The following SORBS2 variants were observed in gnomAD, a reference collection of about 807,000 sequenced individuals.
SORBS2 encodes the protein sorbin and SH3 domain containing 2, also known as sorbin and SH3 domain-containing protein 2.
In SORBS2, 46 loss-of-function variants were observed where a neutral mutation model predicts 97.7. The ratio of observed to expected loss-of-function variants is 0.47; its 90% CI spans 0.37 to 0.60. The LOEUF (loss-of-function observed/expected upper bound fraction) is 0.60, where lower values mean the gene tolerates loss of function less well. Among genes scored for constraint, SORBS2 ranks in the 20% least tolerant of loss-of-function variants. The probability of loss-of-function intolerance (pLI) is 0.00; values close to 1 mark genes in which losing one functional copy is unlikely to be tolerated. For synonymous variants in SORBS2, 476 were observed against 473.4 expected (o/e 1.01, Z -0.07); for missense variants, 1,316 against 1,282.3 (o/e 1.03, Z -0.40).
intron 2 of SORBS2, among the ~76,000 whole-genome samples, chr4:185,737,761 G>A (rs1330695335): frequency 6.6e-6 from 1 of 152,198 alleles, no homozygotes; most frequent in East Asian, 1.9e-4. Context: ...GTCAGGGTCT[G>A]TCCACCGTCT....
intron 4 of SORBS2, among the ~76,000 whole-genome samples, chr4:185,631,707 A>C (rs2153434090): frequency 6.6e-6 from 1 of 152,334 alleles, no homozygotes; most frequent in East Asian, 1.9e-4. Context: ...GGTTGCAGCG[A>C]GTCGAGATGG....
rs190630671 is a variant in SORBS2 at position 185,697,667 on chromosome 4, A to G, written c.-197-18845T>C. On this transcript the variant is annotated intron_variant, in intron 2 of 20. Transcript: ENST00000284776. Reference sequence around the variant, plus strand: ...TAGCCGAAAGCGATGGCTGAATGGAAAGAGATGTCTATAAAATGTCACATA... The same window carrying G: ...TAGCCGAAAGCGATGGCTGAATGGAGAGAGATGTCTATAAAATGTCACATA... Among the ~76,000 whole-genome samples, 521 of 152,328 alleles carry G rather than the reference A, an allele frequency of 3.4e-3. 7 individuals are homozygous for G. Among genetic ancestry groups the G allele is most frequent in the East Asian group, 7.5e-3 (39 of 5,184 alleles).
rs1454355155 is a variant in SORBS2 at position 185,809,666 on chromosome 4, G to A, written c.-337-34300C>T. 2.6e-5 allele frequency among the ~76,000 whole-genome samples: 4 copies of A among 152,054 alleles called. No individual in the cohort carries two copies. In the East Asian group the frequency reaches 5.8e-4, roughly 22 times the overall value. On this transcript the variant is annotated intron_variant, in intron 1 of 20. Transcript: ENST00000284776. ...GAATTATTAACTATGGAGATGCGCT[G>A]TACAGAATTGAACTTAAAATGGTCA... is the stretch of plus-strand genomic sequence containing the variant.
At chr4:185,652,640 G>T in intron 2 of SORBS2, 22 bp downstream of exon 10, 1 of 1,604,562 alleles carries the variant, frequency 6.2e-7, no homozygotes, top group Non-Finnish European at 8.5e-7. Context: ...GACCTCATCA[G>T]AAAGCAGAGC....
intron 1 of SORBS2, among the ~76,000 whole-genome samples, chr4:185,841,217 AGAG>A (rs1272947787): frequency 6.6e-6 from 1 of 152,232 alleles, no homozygotes; most frequent in Admixed American, 6.5e-5. Context: ...TAACACAGTC[AGAG>A]GAGTACTTCT....
intron 6 of SORBS2, 121 bp from the exon 19 acceptor site, chr4:185,624,615 G>GC: frequency 1.9e-6 from 2 of 1,073,546 alleles, no homozygotes; most frequent in Non-Finnish European, 2.6e-6. Context: ...CAGTTAGTGT[G>GC]TTTTAATCTA....
intron 2 of SORBS2, among the ~76,000 whole-genome samples, chr4:185,650,328 C>A (rs1241567887): frequency 6.6e-6 from 1 of 152,076 alleles, no homozygotes; most frequent in South Asian, 2.1e-4. Flanking sequence ...TTATGGAACC[C>A]ACGAGTCCAG....
chr4:185,802,848 C>A (rs145231392), intron 1 of SORBS2, among the ~76,000 whole-genome samples: 1 of 152,138 alleles, frequency 6.6e-6, no homozygotes, highest in Non-Finnish European at 1.5e-5. Flanking sequence ...GACCTTTAAA[C>A]GGGTGATATT....
At chr4:185,625,389 T>C (rs2096793523) in intron 6 of SORBS2, among the ~76,000 whole-genome samples, 1 of 151,664 alleles carries the variant, frequency 6.6e-6, no homozygotes, top group South Asian at 2.1e-4. Flanking sequence ...CCAAATTATA[T>C]CTAATAGGAC....
chr4:185,797,610 C>G (rs1424477740), intron 1 of SORBS2, among the ~76,000 whole-genome samples: 2 of 152,246 alleles, frequency 1.3e-5, no homozygotes, highest in East Asian at 1.9e-4. Flanking sequence ...TCATTTAATC[C>G]TAATGATAAT....
Position 185,622,931 on chromosome 4 carries a change from C to T in SORBS2, c.2198G>A (p.Arg733His), listed in dbSNP as rs2096741388. The T allele has an allele frequency of 3.7e-6, 6 of 1,609,742 alleles. No homozygotes were observed. In the East Asian group the frequency reaches 1.3e-4, roughly 36 times the overall value. Residue 733 changes from arginine (R) to histidine (H), a missense_variant, in exon 7 of 15, where the codon CGT (arginine) becomes CAT (histidine). Arg to His is a conservative substitution (Grantham distance 29, BLOSUM62 0). Transcript: ENST00000418609. ...TCATCCACCTTGGAGTGCACCGCCA[C>T]GGTCTTGGTGGTGGCAGCTGCTGTT...
intron 4 of SORBS2, among the ~76,000 whole-genome samples, chr4:185,632,259 T>C (rs2096920530): frequency 6.6e-6 from 1 of 152,218 alleles, no homozygotes; most frequent in African/African-American, 2.4e-5. Context: ...GAAAATGGAA[T>C]CTTGTCTAGA....
intron 1 of SORBS2, among the ~76,000 whole-genome samples, chr4:185,796,919 C>T (rs1473271323): frequency 1.4e-5 from 2 of 147,190 alleles, no homozygotes; most frequent in South Asian, 2.2e-4. Context: ...GCTGTGGCCA[C>T]GCTGTTCCCT....
chr4:185,909,246 A>C (rs951517012), intron 1 of SORBS2, among the ~76,000 whole-genome samples: 1 of 152,226 alleles, frequency 6.6e-6, no homozygotes, highest in Non-Finnish European at 1.5e-5. Flanking sequence ...TTTGCAGCAT[A>C]ATGAATGGAA....
chr4:185,731,643 C>A (rs28759029), intron 2 of SORBS2, among the ~76,000 whole-genome samples: 2 of 85,440 alleles, frequency 2.3e-5, no homozygotes, highest in African/African-American at 1.1e-4. Flanking sequence ...TCCCTCCCTG[C>A]CTATCTCTCT....
At chr4:185,811,680 G>C (rs1344086481) in intron 1 of SORBS2, 1 of 152,156 alleles carries the variant, frequency 6.6e-6, no homozygotes, top group Non-Finnish European at 1.5e-5. Context: ...CAGTGTACTG[G>C]GACGCTCAGG....
exon 15 of SORBS2, chr4:185,586,410 C>T (rs1561235287): frequency 6.6e-6 from 1 of 152,598 alleles, no homozygotes; most frequent in Non-Finnish European, 1.5e-5. Context: ...ATATTTTACA[C>T]ACACCAGGAA....
intron 1 of SORBS2, among the ~76,000 whole-genome samples, chr4:185,922,868 A>G (rs944078095): frequency 1.3e-5 from 2 of 152,218 alleles, no homozygotes; most frequent in African/African-American, 4.8e-5. Context: ...GAAATATAGT[A>G]ACCCAGTTTA....
At chr4:185,793,368 C>T (rs1483191390) in intron 1 of SORBS2, among the ~76,000 whole-genome samples, 2 of 152,180 alleles carry the variant, frequency 1.3e-5, no homozygotes, top group Non-Finnish European at 2.9e-5. Context: ...ATCATTTTTG[C>T]CGTGAATACT....
Sources: allele counts gnomAD v4.1 joint callset (sites outside exome capture counted in the v4.1 genomes callset), GRCh38; gene constraint gnomAD v4.1.1; transcripts MANE v1.5; gene names NCBI Gene and HGNC (gene_info 2026-07-23, HGNC 2026-07-21).